CTDSPL2: variants seen among roughly 807,000 people sequenced by gnomAD.
CTDSPL2 encodes CTD small phosphatase-like protein 2.
In CTDSPL2, 5 loss-of-function variants were observed where a neutral mutation model predicts 60.0. The ratio of observed to expected loss-of-function variants is 0.08; its 90% confidence interval spans 0.04 to 0.18. CTDSPL2 has a LOEUF of 0.18. Ranked by LOEUF, CTDSPL2 falls within the 10% of genes least tolerant of loss-of-function variation. The probability of loss-of-function intolerance (pLI) is 1.00; values close to 1 mark genes in which losing one functional copy is unlikely to be tolerated. For synonymous variants in CTDSPL2, 186 were observed against 189.3 expected, an observed-to-expected ratio of 0.98 and a Z score of 0.14; for missense variants, 370 against 548.8, an observed-to-expected ratio of 0.67 and a Z score of 3.26.
At chr15:44,439,188 G>T (rs535737811) in intron 1 of CTDSPL2, among the ~76,000 whole-genome samples, 1 of 151,016 alleles carries the variant, frequency 6.6e-6, no homozygotes, top group African/African-American at 2.4e-5. Context: ...TCGCTCTGTC[G>T]CCCAGGCTGG....
intron 1 of CTDSPL2, among the ~76,000 whole-genome samples, chr15:44,451,373 G>T (rs1440458829): frequency 6.6e-6 from 1 of 152,058 alleles, no homozygotes; most frequent in African/African-American, 2.4e-5. Context: ...GCCTCCCAAA[G>T]CCCTGGGATT....
intron 10 of CTDSPL2, 82 bp downstream of exon 10, chr15:44,514,926 T>G: frequency 1.2e-6 from 1 of 837,174 alleles, no homozygotes; most frequent in Non-Finnish European, 1.9e-6. Context: ...TAATGGCCAT[T>G]TTCAGTTGGC....
At chr15:44,479,080 A>AC (rs796678614) in intron 2 of CTDSPL2, among the ~76,000 whole-genome samples, 18 of 151,978 alleles carry the variant, frequency 1.2e-4, no homozygotes, top group East Asian at 9.7e-4. Context: ...AAACAAACAA[A>AC]AAAAAAAAAA....
chr15:44,502,611 C>A (rs1226835548), intron 8 of CTDSPL2, among the ~76,000 whole-genome samples: 1 of 152,106 alleles, frequency 6.6e-6, no homozygotes, highest in Non-Finnish European at 1.5e-5. Context: ...CCCAGTACAA[C>A]GTTATATACA....
chr15:44,478,233 A>G (rs1225397866), intron 2 of CTDSPL2, among the ~76,000 whole-genome samples: 1 of 152,002 alleles, frequency 6.6e-6, no homozygotes, highest in Non-Finnish European at 1.5e-5. Flanking sequence ...ATATCACCTG[A>G]GGTCAGGAGC....
chr15:44,434,999 C>T (rs1204550602), intron 1 of CTDSPL2, among the ~76,000 whole-genome samples: 2 of 152,114 alleles, frequency 1.3e-5, no homozygotes, highest in African/African-American at 4.8e-5. Flanking sequence ...CAGTGGCGCA[C>T]GCCTGTAATC....
chr15:44,432,158 A>G (rs1033660036), intron 1 of CTDSPL2, among the ~76,000 whole-genome samples: 1 of 152,044 alleles, frequency 6.6e-6, no homozygotes, highest in African/African-American at 2.4e-5. Flanking sequence ...GTCCTTTGGG[A>G]TCCTGACAGT....
intron 2 of CTDSPL2, among the ~76,000 whole-genome samples, chr15:44,460,256 G>A (rs1392138552): frequency 1.3e-5 from 2 of 151,984 alleles, no homozygotes; most frequent in African/African-American, 2.4e-5. Flanking sequence ...GACTACAGGC[G>A]CCCGCCACCA....
At position 44,444,340 on chromosome 15, in the gene CTDSPL2, CAG is replaced by C. The variant is rs1333125060; in HGVS notation, c.-24-14649_-24-14648del. ...ACACACACACACACACACACACACA[CAG>C]ACACAGAGACACATTTTTTTGAGAA... On this transcript the variant is annotated intron_variant, in intron 1 of 12. Coordinates refer to ENST00000260327, the MANE Select transcript of CTDSPL2 (RefSeq NM_016396.3). Among the ~76,000 whole-genome samples, 9 of 148,064 alleles carry C rather than the reference CAG, an allele frequency of 6.1e-5. No individual in the cohort carries two copies. In the East Asian group the frequency reaches 1.2e-3, roughly 20 times the overall value.
At chr15:44,440,938 G>A (rs575157610) in intron 1 of CTDSPL2, among the ~76,000 whole-genome samples, 2 of 152,150 alleles carry the variant, frequency 1.3e-5, no homozygotes, top group Admixed American at 6.6e-5. Flanking sequence ...AATTTCTCTC[G>A]TGTTACTTTG....
At chr15:44,449,690 A>G (rs906942961) in intron 1 of CTDSPL2, among the ~76,000 whole-genome samples, 6 of 152,060 alleles carry the variant, frequency 3.9e-5, no homozygotes, top group Non-Finnish European at 5.9e-5. Flanking sequence ...CACCATTTCT[A>G]CTAAAAGTAC....
intron 1 of CTDSPL2, among the ~76,000 whole-genome samples, chr15:44,457,719 C>G (rs1438048913): frequency 6.6e-6 from 1 of 152,170 alleles, no homozygotes; most frequent in African/African-American, 2.4e-5. Flanking sequence ...TCAAGCAGTT[C>G]TCCTGCCTCA....
chr15:44,468,087 C>T (rs1425180324), intron 2 of CTDSPL2, among the ~76,000 whole-genome samples: 1 of 152,044 alleles, frequency 6.6e-6, no homozygotes, highest in Non-Finnish European at 1.5e-5. Flanking sequence ...ACTGTTCCTC[C>T]TCTTCTGAAA....
intron 2 of CTDSPL2, among the ~76,000 whole-genome samples, chr15:44,467,560 TTTC>T (rs1487819962): frequency 1.3e-5 from 2 of 151,942 alleles, no homozygotes; most frequent in Non-Finnish European, 2.9e-5. Flanking sequence ...CTCTTATTCT[TTTC>T]TTATTTATTT....
At chr15:44,515,992 T>C (rs988192571) in intron 10 of CTDSPL2, among the ~76,000 whole-genome samples, 5 of 150,534 alleles carry the variant, frequency 3.3e-5, no homozygotes, top group African/African-American at 1.2e-4. Flanking sequence ...TTTTCTTTTT[T>C]TTTTTTTTTG....
At chr15:44,452,197 C>T (rs1332762099) in intron 1 of CTDSPL2, among the ~76,000 whole-genome samples, 2 of 152,134 alleles carry the variant, frequency 1.3e-5, no homozygotes, top group Non-Finnish European at 1.5e-5. Flanking sequence ...ACTCCTATAA[C>T]ATTAGAGGGC....
intron 1 of CTDSPL2, among the ~76,000 whole-genome samples, chr15:44,442,242 C>A (rs1397125374): frequency 6.6e-6 from 1 of 151,976 alleles, no homozygotes; most frequent in Non-Finnish European, 1.5e-5. Context: ...CCTGAGGTCA[C>A]GAGTTCGAGA....
At chr15:44,510,531 C>T (rs917904825) in intron 8 of CTDSPL2, among the ~76,000 whole-genome samples, 1 of 151,932 alleles carries the variant, frequency 6.6e-6, no homozygotes, top group African/African-American at 2.4e-5. Flanking sequence ...AAAATATTAT[C>T]GATTTGAAGA....
At chr15:44,447,514 C>A (rs1301071349) in intron 1 of CTDSPL2, 1 of 152,128 alleles carries the variant, frequency 6.6e-6, no homozygotes, top group African/African-American at 2.4e-5. Flanking sequence ...ATATATCCAG[C>A]CAACAAGTTA....
Sources: gnomAD v4.1 joint callset for allele counts (sites outside exome capture counted in the v4.1 genomes callset) on GRCh38, gnomAD v4.1.1 for gene constraint, MANE v1.5 for transcripts, NCBI Gene and HGNC (gene_info 2026-07-23, HGNC 2026-07-21) for gene names.